The following RNF212B variants were observed in gnomAD, a reference collection of about 807,000 sequenced individuals.
The protein encoded by RNF212B is E3 ubiquitin-protein ligase RNF212B.
A neutral mutation model predicts 55.5 loss-of-function variants in RNF212B; 52 were observed. The observed-to-expected ratio is 0.94, with a 90% CI of 0.75 to 1.18. RNF212B has a LOEUF of 1.18. RNF212B is among the 50% of genes most tolerant of loss of function. The pLI is 0.00. For synonymous variants in RNF212B, 99 were observed against 121.4 expected (o/e 0.82, Z 1.21); for missense variants, 289 against 350.4 (o/e 0.82, Z 1.40).
intron 4 of RNF212B, among the ~76,000 whole-genome samples, chr14:23,250,316 T>C (rs1474116563): frequency 2.0e-5 from 3 of 151,812 alleles, no homozygotes; most frequent in Non-Finnish European, 2.9e-5. Flanking sequence ...CTGTCTCTAC[T>C]AAAAATACAA....
chr14:23,192,453 G>C (rs1383633828), intron 1 of RNF212B, among the ~76,000 whole-genome samples: 1 of 148,050 alleles, frequency 6.8e-6, no homozygotes, highest in Admixed American at 6.9e-5. Context: ...ACCAAACACC[G>C]CATGTTCTCA....
chr14:23,209,334 G>C (rs551590216), intron 2 of RNF212B, among the ~76,000 whole-genome samples: 6 of 152,228 alleles, frequency 3.9e-5, no homozygotes, highest in African/African-American at 1.4e-4. Flanking sequence ...ATCTCATCCT[G>C]TGACTTAGAA....
upstream of RNF212B, among the ~76,000 whole-genome samples, chr14:23,237,775 T>G (rs178767): frequency 1 from 152,003 of 152,268 alleles, 75,870 homozygotes; most frequent in Middle Eastern, 1. Flanking sequence ...CTGGGAAAAG[T>G]CTCCTACACC....
At chr14:23,229,242 A>T (rs867465246) in intron 2 of RNF212B, among the ~76,000 whole-genome samples, 9 of 113,064 alleles carry the variant, frequency 8.0e-5, no homozygotes, top group Non-Finnish European at 1.8e-4. Context: ...ATATATATAT[A>T]TATATATATA....
intron 1 of RNF212B, chr14:23,193,247 C>T (rs1878299438): frequency 6.6e-6 from 1 of 152,024 alleles, no homozygotes; most frequent in South Asian, 2.1e-4. Flanking sequence ...GCCAAAGTAT[C>T]AATCAAAAGT....
At chr14:23,224,406 A>G (rs1259655919) in intron 2 of RNF212B, among the ~76,000 whole-genome samples, 3 of 152,240 alleles carry the variant, frequency 2.0e-5, no homozygotes, top group African/African-American at 4.8e-5. Context: ...AACCAGACAC[A>G]TAGACCAATG....
chr14:23,187,940 A>C (rs1268559288), intron 1 of RNF212B: 1 of 152,200 alleles, frequency 6.6e-6, no homozygotes, highest in East Asian at 1.9e-4. Flanking sequence ...AAGAAGAAAA[A>C]ATTAAAAAAA....
chr14:23,201,174 G>A (rs1339938127), intron 2 of RNF212B, among the ~76,000 whole-genome samples: 1 of 152,172 alleles, frequency 6.6e-6, no homozygotes, highest in African/African-American at 2.4e-5. Context: ...AGCTCTCCAT[G>A]AGTCTTGAAA....
At chr14:23,234,313 T>C (rs1882947022), upstream of RNF212B, among the ~76,000 whole-genome samples, 1 of 150,072 alleles carries the variant, frequency 6.7e-6, no homozygotes. Flanking sequence ...TGTGTGTGTG[T>C]GTACATGCAA....
chr14:23,257,140 G>A (rs1039696199), intron 4 of RNF212B, among the ~76,000 whole-genome samples: 2 of 150,872 alleles, frequency 1.3e-5, no homozygotes, highest in African/African-American at 4.9e-5. Flanking sequence ...GCGACAGAGC[G>A]AGACTCAGTC....
chr14:23,270,936 A>G (rs1886027910), intron 14 of RNF212B, among the ~76,000 whole-genome samples: 1 of 152,234 alleles, frequency 6.6e-6, no homozygotes. Context: ...AAGTGTGGAC[A>G]CATGGACATC....
chr14:23,246,000 G>A (rs1883950998), intron 4 of RNF212B, among the ~76,000 whole-genome samples: 1 of 152,122 alleles, frequency 6.6e-6, no homozygotes, highest in Admixed American at 6.5e-5. Context: ...AAAGACTTAA[G>A]GCCATTTTTC....
intron 4 of RNF212B, among the ~76,000 whole-genome samples, chr14:23,248,379 G>A (rs1362219695): frequency 6.1e-5 from 9 of 147,058 alleles, no homozygotes; most frequent in African/African-American, 1.0e-4. Context: ...CAATCTGCCC[G>A]CCTCAGCCTC....
Position 23,232,202 on chromosome 14 carries a change from G to A in RNF212B, c.-1-8143G>A, listed in dbSNP as rs181466478. 9.0e-3 allele frequency among the ~76,000 whole-genome samples: 1,360 copies of A among 151,554 alleles called. 17 individuals carry two copies. The highest frequency in any genetic ancestry group is 0.031 in the African/African-American group (1,274 of 41,234). ...CCATCCCGTCTAAGAAGTGAGGAGC[G>A]TCTCTGCCCGGCTGCCCATCGTCTG... is the stretch of plus-strand genomic sequence containing the variant. On this transcript the variant is annotated intron_variant, in intron 2 of 15. Coordinates refer to the RNF212B transcript ENST00000399910.
chr14:23,232,440 C>T (rs1429787694), intron 2 of RNF212B, among the ~76,000 whole-genome samples: 27 of 113,870 alleles, frequency 2.4e-4, no homozygotes, highest in Admixed American at 8.6e-4. Context: ...GGAGCGCCTC[C>T]GCCCGGCAGC....
At chr14:23,214,322 C>T (rs958057855) in intron 2 of RNF212B, among the ~76,000 whole-genome samples, 13 of 151,860 alleles carry the variant, frequency 8.6e-5, no homozygotes, top group African/African-American at 2.7e-4. Context: ...AGTGAAACCC[C>T]GTCTCTACTA....
At chr14:23,219,207 G>C (rs1881344925) in intron 2 of RNF212B, among the ~76,000 whole-genome samples, 1 of 152,092 alleles carries the variant, frequency 6.6e-6, no homozygotes, top group Non-Finnish European at 1.5e-5. Context: ...TCTTCAATCT[G>C]AAAGAAAAAG....
At chr14:23,224,537 C>G (rs1881844400) in intron 2 of RNF212B, among the ~76,000 whole-genome samples, 1 of 151,974 alleles carries the variant, frequency 6.6e-6, no homozygotes, top group South Asian at 2.1e-4. Flanking sequence ...GCTGGGAAAA[C>G]TTGATGTCCA....
In RNF212B at chr14:23,239,311, C is replaced by T. The variant is rs535791738; in HGVS notation, c.-1-1034C>T. On this transcript the variant is annotated intron_variant, in intron 1 of 14. Coordinates refer to ENST00000430154, the MANE Select transcript of RNF212B (RefSeq NM_001282322.3). ...CTGGCCTCAGGTGATCCACCCACCT[C>T]GGCCTCCCAAAGTGCTGGGATTACA... 6.0e-4 allele frequency among the ~76,000 whole-genome samples: 91 copies of T among 152,282 alleles called. 1 individual carries two copies. Among genetic ancestry groups the T allele is most frequent in the Non-Finnish European group, 9.0e-4 (61 of 68,024 alleles).
Sources: allele counts gnomAD v4.1 joint callset (sites outside exome capture counted in the v4.1 genomes callset), GRCh38; gene constraint gnomAD v4.1.1; transcripts MANE v1.5; gene names NCBI Gene and HGNC (gene_info 2026-07-23, HGNC 2026-07-21).